Variants in ESR2 observed in about 807,000 individuals in gnomAD.
ESR2 encodes the protein estrogen receptor 2.
Under a neutral mutation model 49.6 loss-of-function variants are expected in ESR2, and 36 were observed. The observed-to-expected ratio is 0.73, with a 90% CI of 0.56 to 0.96. The LOEUF (loss-of-function observed/expected upper bound fraction) is 0.96, where lower values mean the gene tolerates loss of function less well. ESR2 is among the 40% of genes least tolerant of loss of function. The pLI is 0.00. For synonymous variants in ESR2, 320 were observed against 266.1 expected (o/e 1.20, Z -1.97); for missense variants, 714 against 693.0 (o/e 1.03, Z -0.34).
chr14:64,257,869 T>C (rs1211756345), intron 5 of ESR2, among the ~76,000 whole-genome samples: 2 of 152,162 alleles, frequency 1.3e-5, no homozygotes, highest in East Asian at 3.8e-4. Context: ...TGATTAAAAT[T>C]TCCTATCCAG....
At chr14:64,284,311 G>T (rs1203354132) in intron 1 of ESR2, among the ~76,000 whole-genome samples, 1 of 151,952 alleles carries the variant, frequency 6.6e-6, no homozygotes, top group Non-Finnish European at 1.5e-5. Flanking sequence ...AAGGCTGGGG[G>T]TGCTGGCTGA....
At chr14:64,260,809 G>A in intron 4 of ESR2, 61 bp from the exon 5 acceptor site, 4 of 1,394,770 alleles carry the variant, frequency 2.9e-6, no homozygotes, top group East Asian at 2.7e-5. Context: ...AGCAAAAGCA[G>A]CTTGACTTTT....
chr14:64,338,081 G>A (rs2077553875), exon 1 of ESR2: 1 of 154,964 alleles, frequency 6.5e-6, no homozygotes, highest in Non-Finnish European at 1.5e-5. Flanking sequence ...CTACGAGGAG[G>A]GAGCGTCCCC....
At chr14:64,277,478 A>T (rs949906930) in intron 3 of ESR2, among the ~76,000 whole-genome samples, 4 of 151,894 alleles carry the variant, frequency 2.6e-5, no homozygotes, top group African/African-American at 9.7e-5. Flanking sequence ...ACAAAAAATT[A>T]GCAGGGTGTG....
chr14:64,246,594 G>A (rs185081554), intron 7 of ESR2, among the ~76,000 whole-genome samples: 36 of 151,770 alleles, frequency 2.4e-4, no homozygotes, highest in Admixed American at 1.8e-3. Context: ...AGGCATGGTG[G>A]CATGCACCTG....
intron 3 of ESR2, among the ~76,000 whole-genome samples, chr14:64,269,649 A>G (rs1457753663): frequency 6.6e-6 from 1 of 152,178 alleles, no homozygotes; most frequent in African/African-American, 2.4e-5. Flanking sequence ...GGACATGTGG[A>G]ACAGACCTGA....
In ESR2 at chr14:64,280,051, G is replaced by A. The variant is rs200625141; in HGVS notation, c.465C>T (p.Tyr155=). The change falls in exon 3 of 9, where the codon TAC becomes TAT. Residue 155 remains tyrosine (Y), a synonymous_variant. Coordinates refer to ENST00000341099, the MANE Select transcript of ESR2 (RefSeq NM_001437.3). ...DAHFCAVCSD[Y]ASGYHYGVWS... ...AGACTCCATAGTGATATCCCGATGCGTAATCGCTGCAGACAGCGCAGAAGT... is the reference window on the plus strand; with the variant it reads ...AGACTCCATAGTGATATCCCGATGCATAATCGCTGCAGACAGCGCAGAAGT... 8.1e-5 allele frequency: 130 copies of A among 1,613,990 alleles called. No homozygotes were observed. The highest frequency in any genetic ancestry group is 4.5e-4 in the Admixed American group (27 of 60,022).
At chr14:64,249,869 A>G (rs1292001964) in intron 6 of ESR2, among the ~76,000 whole-genome samples, 190 bp from the exon 7 acceptor site, 2 of 152,258 alleles carry the variant, frequency 1.3e-5, no homozygotes, top group Non-Finnish European at 2.9e-5. Context: ...TTGTCTTCAT[A>G]TAAAGAAGAT....
intron 6 of ESR2, among the ~76,000 whole-genome samples, chr14:64,256,654 G>A (rs1051990198): frequency 4.6e-5 from 7 of 152,006 alleles, no homozygotes; most frequent in African/African-American, 1.5e-4. Flanking sequence ...ACTTGAATCC[G>A]GTAGGCGGAG....
At chr14:64,271,110 C>CT (rs200727109) in intron 3 of ESR2, among the ~76,000 whole-genome samples, 149 of 147,212 alleles carry the variant, frequency 1.0e-3, no homozygotes, top group East Asian at 4.0e-3. Flanking sequence ...GATTTATCAT[C>CT]TTTTTTTTTT....
chr14:64,282,162 G>A (rs1197246852), intron 2 of ESR2, among the ~76,000 whole-genome samples: 1 of 152,186 alleles, frequency 6.6e-6, no homozygotes, highest in East Asian at 1.9e-4. Flanking sequence ...TAGCCAACAT[G>A]GTGAAACCCT....
intron 1 of ESR2, among the ~76,000 whole-genome samples, chr14:64,308,028 T>A (rs575737130): frequency 6.6e-6 from 1 of 152,252 alleles, no homozygotes; most frequent in South Asian, 2.1e-4. Flanking sequence ...TTTGTTGTTG[T>A]TGTTGAGACG....
intron 1 of ESR2, among the ~76,000 whole-genome samples, chr14:64,309,080 T>C (rs1158776284): frequency 6.6e-6 from 1 of 152,172 alleles, no homozygotes; most frequent in African/African-American, 2.4e-5. Flanking sequence ...CTAAAGCATA[T>C]GACACAGTGC....
At position 64,280,149 on chromosome 14, in the gene ESR2, T is replaced by C; in HGVS notation, c.367A>G (p.Thr123Ala). Residue 123 changes from threonine to alanine, a missense_variant, in exon 3 of 9, where the codon ACA (threonine) becomes GCA (alanine). Coordinates refer to ENST00000341099, the MANE Select transcript of ESR2 (RefSeq NM_001437.3). ...TTCCCACTAACCTTCCTTTTCAGTGTCTCTCTAGGGAGCAAAGAAAATATC... is the reference window on the plus strand; with the variant it reads ...TTCCCACTAACCTTCCTTTTCAGTGCCTCTCTAGGGAGCAAAGAAAATATC... ...LEHTLPVNRE[T>A]LKRKVSGNRC... 6.2e-7 allele frequency: 1 copy of C among 1,613,310 alleles called. No homozygotes were observed. The highest frequency in any genetic ancestry group is 1.1e-5 in the South Asian group (1 of 91,054).
chr14:64,255,602 G>GT (rs1377728606), intron 6 of ESR2, among the ~76,000 whole-genome samples: 1 of 152,218 alleles, frequency 6.6e-6, no homozygotes, highest in Non-Finnish European at 1.5e-5. Context: ...TATCCTACCT[G>GT]TAAGCAGGTT....
At chr14:64,255,602 G>A (rs953493711) in intron 6 of ESR2, among the ~76,000 whole-genome samples, 4 of 152,218 alleles carry the variant, frequency 2.6e-5, no homozygotes, top group Non-Finnish European at 5.9e-5. Flanking sequence ...TATCCTACCT[G>A]TAAGCAGGTT....
chr14:64,306,567 G>A (rs1453189098), intron 1 of ESR2, among the ~76,000 whole-genome samples: 1 of 152,218 alleles, frequency 6.6e-6, no homozygotes, highest in Non-Finnish European at 1.5e-5. Flanking sequence ...TTAATTTTAT[G>A]TTAATGTAGT....
Position 64,249,975 on chromosome 14 carries a change from A to C in ESR2, c.1092-296T>G, listed in dbSNP as rs10140457. Reference sequence around the variant, plus strand: ...ATATTTTCCTTCTACATTTTCACCAAATGTTTTCTTACAGCAATACCACTC... The same window carrying C: ...ATATTTTCCTTCTACATTTTCACCACATGTTTTCTTACAGCAATACCACTC... On this transcript the variant is annotated intron_variant, in intron 6 of 8. Transcript: ENST00000341099. Among the ~76,000 whole-genome samples, 8,118 of 152,258 alleles carry C rather than the reference A, an allele frequency of 0.053. 509 individuals carry two copies. The highest frequency in any genetic ancestry group is 0.15 in the African/African-American group (6,066 of 41,528).
chr14:64,276,414 C>T lies in ESR2; in HGVS notation c.535+3567G>A, dbSNP rs1288675379. Among the ~76,000 whole-genome samples, 4 of 152,288 alleles carry T rather than the reference C, an allele frequency of 2.6e-5. No homozygotes were observed. The East Asian group carries it at 7.7e-4, about 29-fold the overall frequency. On this transcript the variant is annotated intron_variant, in intron 3 of 8. Transcript: ENST00000341099. ...AGAAGCAAATTGAAACCAAAAGATA[C>T]TATACATCACGTATCAATGTAGCAA... is the stretch of plus-strand genomic sequence containing the variant.
Sources: gnomAD v4.1 joint callset for allele counts (sites outside exome capture counted in the v4.1 genomes callset) on GRCh38, gnomAD v4.1.1 for gene constraint, MANE v1.5 for transcripts, NCBI Gene and HGNC (gene_info 2026-07-23, HGNC 2026-07-21) for gene names.